The following TIA1 variants were observed in gnomAD, a reference collection of about 807,000 sequenced individuals.
TIA1 encodes cytotoxic granule associated RNA binding protein TIA1.
TIA1 carries 23 observed loss-of-function variants against 65.9 expected under a neutral mutation model. The observed-to-expected ratio is 0.35, with a 90% confidence interval of 0.25 to 0.49. The LOEUF is 0.49. Ranked by LOEUF, TIA1 falls within the 20% of genes least tolerant of loss-of-function variation. The pLI is 0.98. For synonymous variants in TIA1, 147 were observed against 149.4 expected, an observed-to-expected ratio of 0.98 and a Z score of 0.12; for missense variants, 371 against 477.9, an observed-to-expected ratio of 0.78 and a Z score of 2.09.
rs533863358 is a variant in TIA1, at chr2:70,216,908, G to A, written c.561C>T (p.Pro187=). Residue 187 remains proline (P), a synonymous_variant, in exon 8 of 13, where the codon CCC becomes CCT. Coordinates refer to ENST00000433529, the MANE Select transcript of TIA1 (RefSeq NM_022173.4). The part of the protein sequence containing the change: ...IRTNWATRKP[P]APKSTYESNT... Reference sequence around the variant, plus strand: ...TACACTCATATGTACTCTTTGGAGCGGGAGGCTTTCGGGTTGCCCAGTTAG... The same window carrying A: ...TACACTCATATGTACTCTTTGGAGCAGGAGGCTTTCGGGTTGCCCAGTTAG... 3.0e-5 allele frequency: 49 copies of A among 1,613,956 alleles called. No homozygotes were observed. The East Asian group carries it at 3.1e-4, about 10-fold the overall frequency.
At chr2:70,228,875 A>C in intron 5 of TIA1, 184 bp downstream of exon 5, 1 of 1,444,876 alleles carries the variant, frequency 6.9e-7, no homozygotes, top group South Asian at 1.5e-5. Flanking sequence ...TTGAACTAGC[A>C]CCAAAGTAGC....
At chr2:70,223,096 C>T (rs184100345) in intron 7 of TIA1, among the ~76,000 whole-genome samples, 15 of 152,296 alleles carry the variant, frequency 9.8e-5, no homozygotes, top group Non-Finnish European at 2.1e-4. Flanking sequence ...CAGAACCCTA[C>T]AGTCCACAAT....
intron 7 of TIA1, among the ~76,000 whole-genome samples, chr2:70,222,290 T>C (rs113059187): frequency 1.3e-5 from 2 of 152,300 alleles, no homozygotes; most frequent in African/African-American, 4.8e-5. Context: ...GGAAGGTGGA[T>C]GAATTTTATG....
chr2:70,219,199 G>C lies in TIA1; in HGVS notation c.475-2205C>G, dbSNP rs189096160. On this transcript the variant is annotated intron_variant, in intron 7 of 12. Coordinates refer to ENST00000433529, the MANE Select transcript of TIA1 (RefSeq NM_022173.4). ...AGAGCCCTGAAAAACAGCAAAACTTGAAAAATGGGTAAAGGAATAATCACT... is the reference window on the plus strand; with the variant it reads ...AGAGCCCTGAAAAACAGCAAAACTTCAAAAATGGGTAAAGGAATAATCACT... Among the ~76,000 whole-genome samples the C allele has an allele frequency of 3.3e-3, 504 of 152,244 alleles. 1 individual carries two copies. Among genetic ancestry groups the C allele is most frequent in the African/African-American group, 0.012 (493 of 41,548 alleles).
rs141478735 is a variant in TIA1, at chr2:70,247,592, C to G, written c.26+813G>C. ...AAAGAACGCAGTTGGGGAAGCCACA[C>G]GACAAAGAAAATATCCACGCTCCGG... On this transcript the variant is annotated intron_variant, in intron 1 of 12. Coordinates refer to ENST00000433529, the MANE Select transcript of TIA1 (RefSeq NM_022173.4). Among the ~76,000 whole-genome samples, 761 of 152,280 alleles carry G rather than the reference C, an allele frequency of 5.0e-3. 5 individuals are homozygous for G. The highest frequency in any genetic ancestry group is 0.014 in the South Asian group (68 of 4,824).
At chr2:70,244,783 C>T (rs1693516843) in intron 1 of TIA1, among the ~76,000 whole-genome samples, 1 of 122,320 alleles carries the variant, frequency 8.2e-6, no homozygotes, top group East Asian at 2.6e-4. Flanking sequence ...TGCAGTGAGC[C>T]AAGATTGGGC....
chr2:70,243,176 C>T (rs577023835), intron 1 of TIA1, among the ~76,000 whole-genome samples: 1 of 152,204 alleles, frequency 6.6e-6, no homozygotes, highest in East Asian at 1.9e-4. Context: ...CACCTATAAT[C>T]CCACTTTGGG....
At position 70,218,731 on chromosome 2, in the gene TIA1, CAAG is replaced by C. The variant is rs1274689810; in HGVS notation, c.475-1740_475-1738del. ...TACAGGCGTGAGCCACCGCACCCGG[CAAG>C]AAGGCCATTCTTAGCGCTAAGAGGA... On this transcript the variant is annotated intron_variant, in intron 7 of 12. Transcript: ENST00000433529. 3.9e-5 allele frequency among the ~76,000 whole-genome samples: 6 copies of C among 152,254 alleles called. No homozygotes were observed. In the South Asian group the frequency reaches 1.2e-3, roughly 32 times the overall value.
At chr2:70,243,661 C>T (rs1692911253) in intron 1 of TIA1, among the ~76,000 whole-genome samples, 1 of 152,250 alleles carries the variant, frequency 6.6e-6, no homozygotes, top group Admixed American at 6.5e-5. Flanking sequence ...GATATCGATC[C>T]TCAAGACTTT....
chr2:70,230,813 CTCATGAAACTCCACAAAACAATAGGGA>C lies in TIA1; in HGVS notation c.138_164del (p.Asp46_His54del). The C allele has an allele frequency of 6.2e-7, 1 of 1,612,906 alleles. No homozygotes were observed. The highest frequency in any genetic ancestry group is 8.5e-7 in the Non-Finnish European group (1 of 1,179,624). On this transcript the variant is annotated inframe_deletion, in exon 3 of 13. Transcript: ENST00000433529. ...CTAATGCTGCAGCTGCATGACGATG[CTCATGAAACTCCACAAAACAATAGGGA>C]TCATTTCCAGCTGTCTGTGGGAGAA... is the stretch of plus-strand genomic sequence containing the variant.
intron 12 of TIA1, among the ~76,000 whole-genome samples, chr2:70,213,778 A>G (rs890764525): frequency 2.0e-5 from 3 of 151,826 alleles, no homozygotes; most frequent in African/African-American, 7.3e-5. Flanking sequence ...CGGCCTCCCA[A>G]ATAGCTGGAA....
At chr2:70,228,756 G>A in intron 5 of TIA1, 1 of 1,291,492 alleles carries the variant, frequency 7.7e-7, no homozygotes, top group Non-Finnish European at 9.8e-7. Flanking sequence ...GCATTTGGAA[G>A]ATCTGGGTAT....
rs1474401416 is a variant in TIA1, at chr2:70,212,836, CTG to C, written c.1042_1043del (p.Gln348ValfsTer36). 1.2e-6 allele frequency: 2 copies of C among 1,612,872 alleles called. No homozygotes were observed. Among genetic ancestry groups the C allele is most frequent in the Non-Finnish European group, 1.7e-6 (2 of 1,178,914 alleles). On this transcript the variant is annotated frameshift_variant, in exon 13 of 13. Coordinates refer to ENST00000433529, the MANE Select transcript of TIA1 (RefSeq NM_022173.4). LOFTEE classifies it high-confidence loss of function. ...AWNQQGFNQT[Q>X]SSAPWMGPNY... ...TTGGTCCCATCCATGGTGCAGAAGA[CTG>C]TGTCTGACTGGTGGAGAATGTGAAA...
chr2:70,219,791 G>A (rs1426839758), intron 7 of TIA1, among the ~76,000 whole-genome samples: 1 of 142,622 alleles, frequency 7.0e-6, no homozygotes, highest in Non-Finnish European at 1.5e-5. Context: ...TGCCCAGGCT[G>A]GTTTCTAACT....
chr2:70,223,464 C>G (rs1315512540), intron 7 of TIA1, among the ~76,000 whole-genome samples: 1 of 152,032 alleles, frequency 6.6e-6, no homozygotes, highest in Non-Finnish European at 1.5e-5. Context: ...CTTTGTCACC[C>G]AGGCTGGAGT....
chr2:70,214,259 A>G, intron 12 of TIA1, 90 bp downstream of exon 12: 2 of 1,434,404 alleles, frequency 1.4e-6, no homozygotes, highest in East Asian at 2.3e-5. Context: ...AAGAGGCCCT[A>G]TTACCCACTA....
Position 70,248,488 on chromosome 2 carries a change from C to A in TIA1, c.-58G>T, listed in dbSNP as rs758436960. ...CAGCTCCCTGCCCTTCACTACCTCC[C>A]AAATCGTTTAAGCGGTTATGGCTAC... On this transcript the variant is annotated 5_prime_UTR_variant, in exon 1 of 13. Coordinates refer to ENST00000433529, the MANE Select transcript of TIA1 (RefSeq NM_022173.4). 1 of 1,600,358 alleles carries A rather than the reference C, an allele frequency of 6.2e-7. No individual in the cohort carries two copies. Among genetic ancestry groups the A allele is most frequent in the East Asian group, 2.2e-5 (1 of 44,860 alleles).
chr2:70,243,966 G>A (rs1387115320), intron 1 of TIA1, among the ~76,000 whole-genome samples: 2 of 152,146 alleles, frequency 1.3e-5, no homozygotes, highest in South Asian at 2.1e-4. Flanking sequence ...ACTACTCTGC[G>A]TGAAACCCAC....
At chr2:70,248,283 G>C in intron 1 of TIA1, 122 bp downstream of exon 1, 1 of 1,206,544 alleles carries the variant, frequency 8.3e-7, no homozygotes, top group South Asian at 1.6e-5. Flanking sequence ...GCATGCTAAG[G>C]AAACAAAAAC....
Sources: gnomAD v4.1 joint callset for allele counts (sites outside exome capture counted in the v4.1 genomes callset) on GRCh38, gnomAD v4.1.1 for gene constraint, MANE v1.5 for transcripts, NCBI Gene and HGNC (gene_info 2026-07-23, HGNC 2026-07-21) for gene names.